The following MPZ variants were observed in gnomAD, a reference collection of about 807,000 sequenced individuals.
The protein encoded by MPZ is myelin protein zero.
Under a neutral mutation model 27.9 loss-of-function variants are expected in MPZ, and 13 were observed. The observed-to-expected ratio is 0.47, with a 90% confidence interval of 0.30 to 0.74. The LOEUF (loss-of-function observed/expected upper bound fraction) is 0.74. Ranked by LOEUF, MPZ falls within the 30% of genes least tolerant of loss-of-function variation. MPZ has a pLI of 0.06. For synonymous variants in MPZ, 118 were observed against 128.9 expected, an observed-to-expected ratio of 0.92 and a Z score of 0.57; for missense variants, 256 against 317.5, an observed-to-expected ratio of 0.81 and a Z score of 1.47.
rs147718043 is a variant in MPZ, at chr1:161,306,112, C to T, written c.641G>A (p.Arg214Gln). 3.4e-5 allele frequency: 55 copies of T among 1,614,252 alleles called. No homozygotes were observed. The African/African-American group carries it at 7.1e-4, about 21-fold the overall frequency. Residue 214 changes from arginine to glutamine, a missense_variant, in exon 5 of 6, where the codon CGG becomes CAG. Physicochemically the swap from Arg to Gln is conservative, Grantham distance 43 (BLOSUM62 1). Around this residue, in one of 2 missense-constraint regions of MPZ, gnomAD observed 101 missense variants for 93.6 expected, o/e 1.08. Transcript: ENST00000533357. ...KPGKDASKRG[R>Q]QTPVLYAMLD... Reference sequence around the variant, plus strand: ...TAGGCCCCAAGTCCCGCTAACCTGCCGCCCGCGCTTCGACGCGTCCTTTCC... The same window carrying T: ...TAGGCCCCAAGTCCCGCTAACCTGCTGCCCGCGCTTCGACGCGTCCTTTCC...
intron 1 of MPZ, among the ~76,000 whole-genome samples, chr1:161,309,550 A>ATTTTTTTTTTTTTTT (rs202225246): frequency 3.6e-5 from 3 of 82,442 alleles, no homozygotes; most frequent in African/African-American, 5.4e-5. Context: ...ATATATATAT[A>ATTTTTTTTTTTTTTT]TATTTTTTTT....
intron 1 of MPZ, among the ~76,000 whole-genome samples, chr1:161,308,950 C>A (rs1470094296): frequency 6.6e-6 from 1 of 152,152 alleles, no homozygotes; most frequent in Non-Finnish European, 1.5e-5. Flanking sequence ...CTGGCCAGCC[C>A]CCTTTCCCTT....
chr1:161,306,227 A>T (rs1387495837), intron 4 of MPZ, 59 bp from the exon 5 acceptor site: 2 of 1,611,956 alleles, frequency 1.2e-6, no homozygotes, highest in African/African-American at 2.7e-5. Flanking sequence ...CACCGCGGAC[A>T]CAGCTTCCTC....
chr1:161,308,065 C>A (rs59325217), intron 1 of MPZ, among the ~76,000 whole-genome samples: 2,084 of 152,236 alleles, frequency 0.014, 48 homozygotes, highest in African/African-American at 0.048. Context: ...TCTGGAGGAG[C>A]TTTCCCTGTT....
chr1:161,306,401 A>T lies in MPZ; in HGVS notation c.512T>A (p.Leu171Ter). Reference protein sequence around the residue: ...VIGGVLGVVLLLLLLFYVVRY... With the variant: ...VIGGVLGVVL ...AACCACGTAGAAAAGCAGCAGCAGCAACAGCACCACCCCGAGGACACCCCC... is the reference window on the plus strand; with the variant it reads ...AACCACGTAGAAAAGCAGCAGCAGCTACAGCACCACCCCGAGGACACCCCC... Residue 171 changes from leucine (L) to a stop codon, truncating the protein, a stop_gained, in exon 4 of 6, where the codon TTG (leucine) becomes TAG (stop). Transcript: ENST00000533357. LOFTEE classifies it high-confidence loss of function. The T allele has an allele frequency of 6.2e-7, 1 of 1,614,168 alleles. No individual in the cohort carries two copies. The highest frequency in any genetic ancestry group is 8.5e-7 in the Non-Finnish European group (1 of 1,180,036).
At chr1:161,306,009 GCGACTGGGGCT>G (rs1558153349) in intron 5 of MPZ, 32 bp from the exon 6 acceptor site, 3 of 1,610,146 alleles carry the variant, frequency 1.9e-6, no homozygotes, top group Non-Finnish European at 2.6e-6. Flanking sequence ...CAGTCACCGA[GCGACTGGGGCT>G]TGACTGTTCC....
intron 1 of MPZ, among the ~76,000 whole-genome samples, chr1:161,309,552 A>ATTTTTTTTTTTTTTTTTTTTTTTTTTT (rs1215409194): frequency 2.5e-5 from 2 of 80,662 alleles, no homozygotes; most frequent in African/African-American, 1.2e-4. Flanking sequence ...ATATATATAT[A>ATTTTTTTTTTTTTTTTTTTTTTTTTTT]TTTTTTTTTT....
rs753107323 is a variant in MPZ at position 161,306,366 on chromosome 1, A to G, written c.547T>C (p.Trp183Arg). The G allele has an allele frequency of 2.7e-5, 43 of 1,614,074 alleles. No individual in the cohort carries two copies. Among genetic ancestry groups the G allele is most frequent in the Non-Finnish European group, 3.5e-5 (41 of 1,180,042 alleles). The part of the protein sequence containing the change: ...LLLFYVVRYC[W>R]LRRQAALQRR... ...TGCAGGGCCGCCTGCCTGCGTAGCCAGCAGTACCGAACCACGTAGAAAAGC... is the reference window on the plus strand; with the variant it reads ...TGCAGGGCCGCCTGCCTGCGTAGCCGGCAGTACCGAACCACGTAGAAAAGC... Residue 183 changes from tryptophan (W) to arginine (R), a missense_variant, in exon 4 of 6, where the codon TGG becomes CGG. By Grantham distance (101) the Trp-to-Arg change is moderately radical. Around this residue, in one of 2 missense-constraint regions of MPZ, gnomAD observed 101 missense variants for 93.6 expected, o/e 1.08. Coordinates refer to ENST00000533357, the MANE Select transcript of MPZ (RefSeq NM_000530.8).
In MPZ at chr1:161,306,367, G is replaced by C; in HGVS notation, c.546C>G (p.Cys182Trp). 1 of 1,614,214 alleles carries C rather than the reference G, an allele frequency of 6.2e-7. No homozygotes were observed. The highest frequency in any genetic ancestry group is 8.5e-7 in the Non-Finnish European group (1 of 1,180,044). Reference sequence around the variant, plus strand: ...GCAGGGCCGCCTGCCTGCGTAGCCAGCAGTACCGAACCACGTAGAAAAGCA... The same window carrying C: ...GCAGGGCCGCCTGCCTGCGTAGCCACCAGTACCGAACCACGTAGAAAAGCA... ...LLLLFYVVRY[C>W]WLRRQAALQR... Residue 182 changes from cysteine (C) to tryptophan (W), a missense_variant, in exon 4 of 6, where the codon TGC (cysteine) becomes TGG (tryptophan). Physicochemically the swap from Cys to Trp is radical, Grantham distance 215. Around this residue, in one of 2 missense-constraint regions of MPZ, gnomAD observed 101 missense variants for 93.6 expected, o/e 1.08. Coordinates refer to ENST00000533357, the MANE Select transcript of MPZ (RefSeq NM_000530.8).
At position 161,307,561 on chromosome 1, in the gene MPZ, C is replaced by T. The variant is rs377278608; in HGVS notation, c.68-137G>A. 25 of 907,174 alleles carry T rather than the reference C, an allele frequency of 2.8e-5. No homozygotes were observed. The East Asian group carries it at 6.0e-4, about 22-fold the overall frequency. 56.2% of individuals were successfully genotyped at this position (907,174 alleles called of 1,614,324 possible). On this transcript the variant is annotated intron_variant, in intron 1 of 5. Transcript: ENST00000533357. ...GAAAAGAAACAACAAATTCTGAGCC[C>T]CAAGTCTCTGGGGACTAACTGAACA... is the stretch of plus-strand genomic sequence containing the variant.
At chr1:161,306,224 G>A in intron 4 of MPZ, 56 bp from the exon 5 acceptor site, 1 of 1,611,938 alleles carries the variant, frequency 6.2e-7, no homozygotes, top group Admixed American at 1.7e-5. Flanking sequence ...TTGCACCGCG[G>A]ACACAGCTTC....
At chr1:161,306,263 G>A in intron 4 of MPZ, 66 bp downstream of exon 4, 1 of 1,612,522 alleles carries the variant, frequency 6.2e-7, no homozygotes, top group South Asian at 1.1e-5. Flanking sequence ...CCACCCACTG[G>A]AGTAGTCTCC....
chr1:161,305,687 C>A lies in MPZ; in HGVS notation c.*189G>T, dbSNP rs1223072779. 1.7e-6 allele frequency: 1 copy of A among 593,750 alleles called. No homozygotes were observed. 36.8% of individuals were successfully genotyped at this position (593,750 alleles called of 1,614,324 possible). On this transcript the variant is annotated 3_prime_UTR_variant, in exon 6 of 6. Transcript: ENST00000533357. ...GCCTGGGGTGGGGGGGTGGCGATCACTTGTCCGAGTTCAGGCCCATCATGT... is the reference window on the plus strand; with the variant it reads ...GCCTGGGGTGGGGGGGTGGCGATCAATTGTCCGAGTTCAGGCCCATCATGT...
At chr1:161,304,686 G>T (rs2102255280), downstream of MPZ, 1 of 152,840 alleles carries the variant, frequency 6.5e-6, no homozygotes, top group South Asian at 2.1e-4. Flanking sequence ...GGGATAAGGG[G>T]CAGGAATTAT....
chr1:161,308,541 GC>G (rs1670316440), intron 1 of MPZ, among the ~76,000 whole-genome samples: 2 of 152,152 alleles, frequency 1.3e-5, no homozygotes, highest in African/African-American at 4.8e-5. Context: ...ACGCTGGGGG[GC>G]TCATGCCACC....
chr1:161,306,449 C>A lies in MPZ; in HGVS notation c.464G>T (p.Gly155Val), dbSNP rs879254028. 1 of 1,614,210 alleles carries A rather than the reference C, an allele frequency of 6.2e-7. No individual in the cohort carries two copies. The highest frequency in any genetic ancestry group is 1.7e-5 in the Admixed American group (1 of 60,024). ...CCCGATCACAGCTCCCAGAACGACC[C>A]CGTACCTAGTTGGCACTAGGAGGGG... The part of the protein sequence containing the change: ...YVFEKVPTRY[G>V]VVLGAVIGGV... The change falls in exon 4 of 6, where the codon GGG becomes GTG. Residue 155 changes from glycine (G) to valine (V), a missense_variant. Around this residue, in one of 2 missense-constraint regions of MPZ, gnomAD observed 155 missense variants for 223.9 expected, o/e 0.69. Transcript: ENST00000533357.
Position 161,306,402 on chromosome 1 carries a change from A to G in MPZ, c.511T>C (p.Leu171=), listed in dbSNP as rs768385737. The change falls in exon 4 of 6, where the codon TTG becomes CTG. Residue 171 remains leucine, a synonymous_variant. Transcript: ENST00000533357. The stretch of plus-strand genomic sequence containing the variant: ...ACCACGTAGAAAAGCAGCAGCAGCA[A>G]CAGCACCACCCCGAGGACACCCCCG... The part of the protein sequence containing the change: ...VIGGVLGVVL[L]LLLLFYVVRY... 1.2e-6 allele frequency: 2 copies of G among 1,614,060 alleles called. No individual in the cohort carries two copies. The highest frequency in any genetic ancestry group is 1.7e-5 in the Admixed American group (1 of 60,008).
At chr1:161,307,072 G>A in intron 2 of MPZ, 151 bp from the exon 3 acceptor site, 1 of 1,022,344 alleles carries the variant, frequency 9.8e-7, no homozygotes, top group Non-Finnish European at 1.4e-6. Flanking sequence ...GGGATCTTGG[G>A]CTGGAAAGGG....
chr1:161,306,700 T>C lies in MPZ; in HGVS notation c.448+8A>G. ...TTCCCATACCCTTGTCCCCATCCCT[T>C]CTCACACCTTTTTCAAAGACATACA... is the stretch of plus-strand genomic sequence containing the variant. On this transcript the variant is annotated splice_region_variant and intron_variant, in intron 3 of 5. Coordinates refer to ENST00000533357, the MANE Select transcript of MPZ (RefSeq NM_000530.8). The C allele has an allele frequency of 6.2e-7, 1 of 1,613,518 alleles. No individual in the cohort carries two copies. Among genetic ancestry groups the C allele is most frequent in the Non-Finnish European group, 8.5e-7 (1 of 1,179,554 alleles).
Sources: allele counts gnomAD v4.1 joint callset (sites outside exome capture counted in the v4.1 genomes callset), GRCh38; gene constraint gnomAD v4.1.1; regional missense constraint gnomAD v4.1.1; transcripts MANE v1.5; gene names NCBI Gene and HGNC (gene_info 2026-07-23, HGNC 2026-07-21).